Variants in ATP8B4 observed in about 807,000 individuals in gnomAD.
The protein encoded by ATP8B4 is ATPase phospholipid transporting 8B4 (putative), also known as probable phospholipid-transporting ATPase IM.
A neutral mutation model predicts 145.6 loss-of-function variants in ATP8B4; 133 were observed. The observed-to-expected ratio is 0.91, with a 90% CI of 0.79 to 1.05. The LOEUF is 1.05. Ranked by LOEUF, ATP8B4 falls within the 50% of genes least tolerant of loss-of-function variation. The pLI, the probability that ATP8B4 is intolerant of heterozygous loss-of-function variation, is 0.00. For missense variants in ATP8B4, 1,458 were observed against 1,425.2 expected (o/e 1.02, Z -0.37); for synonymous variants, 507 against 492.9 (o/e 1.03, Z -0.38).
At chr15:49,978,973 A>G (rs2045929595) in intron 12 of ATP8B4, among the ~76,000 whole-genome samples, 1 of 152,090 alleles carries the variant, frequency 6.6e-6, no homozygotes, top group African/African-American at 2.4e-5. Context: ...CTTACAATGG[A>G]CTAGCACCAC....
intron 13 of ATP8B4, among the ~76,000 whole-genome samples, chr15:49,965,545 C>T (rs983663476): frequency 4.6e-5 from 7 of 152,146 alleles, no homozygotes; most frequent in African/African-American, 1.7e-4. Context: ...CACATATAAA[C>T]AGAATGCTTG....
chr15:49,992,345 T>C (rs910932138), intron 9 of ATP8B4, among the ~76,000 whole-genome samples: 1 of 152,156 alleles, frequency 6.6e-6, no homozygotes, highest in South Asian at 2.1e-4. Flanking sequence ...ATAAGCTCTA[T>C]AAAAGTAAGG....
chr15:50,085,825 A>C (rs2054873281), intron 2 of ATP8B4, among the ~76,000 whole-genome samples: 1 of 131,576 alleles, frequency 7.6e-6, no homozygotes, highest in Admixed American at 8.7e-5. Flanking sequence ...ATTATATATA[A>C]TATATATGAT....
At chr15:50,104,328 A>C (rs1443323280) in intron 2 of ATP8B4, among the ~76,000 whole-genome samples, 1 of 152,192 alleles carries the variant, frequency 6.6e-6, no homozygotes, top group Non-Finnish European at 1.5e-5. Context: ...CAATCTATAC[A>C]TCCGACAAAA....
At chr15:49,981,959 G>T (rs1052955467) in intron 10 of ATP8B4, among the ~76,000 whole-genome samples, 1 of 152,200 alleles carries the variant, frequency 6.6e-6, no homozygotes, top group Admixed American at 6.5e-5. Flanking sequence ...TGCTTTAGAA[G>T]TGGGTTATTA....
At chr15:49,920,522 G>A in intron 17 of ATP8B4, 112 bp from the exon 18 acceptor site, 2 of 1,216,834 alleles carry the variant, frequency 1.6e-6, no homozygotes, top group Non-Finnish European at 2.2e-6. Context: ...TTTGTACCAA[G>A]AGCACTGCTT....
At chr15:49,977,893 G>C (rs1166498422) in intron 12 of ATP8B4, among the ~76,000 whole-genome samples, 1 of 152,086 alleles carries the variant, frequency 6.6e-6, no homozygotes, top group Non-Finnish European at 1.5e-5. Context: ...TATTTGACAA[G>C]CAAACTAAGG....
At chr15:50,094,043 C>G (rs770284054) in intron 2 of ATP8B4, among the ~76,000 whole-genome samples, 11 of 152,096 alleles carry the variant, frequency 7.2e-5, no homozygotes, top group Non-Finnish European at 1.0e-4. Context: ...TCTTGATAAA[C>G]TAAAGTATGT....
chr15:49,903,314 C>T (rs149721043), intron 20 of ATP8B4, among the ~76,000 whole-genome samples: 3 of 152,330 alleles, frequency 2.0e-5, no homozygotes, highest in Admixed American at 6.5e-5. Context: ...GAAGCGTACA[C>T]ACAATGCTTA....
intron 1 of ATP8B4, among the ~76,000 whole-genome samples, chr15:50,172,215 G>T (rs933456523): frequency 6.6e-6 from 1 of 152,150 alleles, no homozygotes; most frequent in South Asian, 2.1e-4. Flanking sequence ...CTGTACTGCC[G>T]CCATCTCCGC....
At chr15:49,963,653 C>T (rs1233493006) in intron 13 of ATP8B4, among the ~76,000 whole-genome samples, 3 of 152,162 alleles carry the variant, frequency 2.0e-5, no homozygotes, top group East Asian at 1.9e-4. Flanking sequence ...CAAACTAACA[C>T]AGGAACAGGA....
At chr15:50,121,588 T>C (rs1227134649), upstream of ATP8B4, among the ~76,000 whole-genome samples, 2 of 152,144 alleles carry the variant, frequency 1.3e-5, no homozygotes, top group Non-Finnish European at 2.9e-5. Context: ...GTCCATCTTA[T>C]AGAGGACTAT....
chr15:50,165,377 A>AAC (rs1377967704), intron 1 of ATP8B4, among the ~76,000 whole-genome samples: 1 of 152,136 alleles, frequency 6.6e-6, no homozygotes, highest in Non-Finnish European at 1.5e-5. Flanking sequence ...ATGATGTTAA[A>AAC]ACACAGTGAG....
intron 13 of ATP8B4, among the ~76,000 whole-genome samples, chr15:49,970,556 A>C (rs558413287): frequency 2.6e-5 from 4 of 152,318 alleles, no homozygotes; most frequent in African/African-American, 9.6e-5. Flanking sequence ...CTAGAAATAC[A>C]GCGAACAAGG....
intron 10 of ATP8B4, among the ~76,000 whole-genome samples, chr15:49,983,110 C>G (rs961857067): frequency 7.2e-5 from 11 of 152,256 alleles, no homozygotes; most frequent in Admixed American, 5.9e-4. Context: ...ATCTACCTTC[C>G]CTGAGCAATC....
chr15:49,928,996 AT>A (rs1324050053), intron 16 of ATP8B4, among the ~76,000 whole-genome samples: 7 of 152,086 alleles, frequency 4.6e-5, no homozygotes, highest in Admixed American at 2.6e-4. Context: ...CTTGTTAGAA[AT>A]GCAAATTGGT....
chr15:50,172,352 C>T (rs915132561), intron 1 of ATP8B4, among the ~76,000 whole-genome samples: 6 of 152,268 alleles, frequency 3.9e-5, no homozygotes, highest in Admixed American at 3.3e-4. Context: ...CCCTCTTGGC[C>T]GGGCTGGTCT....
intron 1 of ATP8B4, among the ~76,000 whole-genome samples, chr15:50,177,903 C>T (rs1217480805): frequency 6.6e-6 from 1 of 152,088 alleles, no homozygotes; most frequent in Admixed American, 6.6e-5. Flanking sequence ...ACGCCACCTG[C>T]TTTAAAAGAA....
At chr15:50,127,843 T>C (rs1265675317) in intron 1 of ATP8B4, among the ~76,000 whole-genome samples, 1 of 152,204 alleles carries the variant, frequency 6.6e-6, no homozygotes, top group Non-Finnish European at 1.5e-5. Flanking sequence ...CAGTAAGGTC[T>C]GTCTTTGAAG....
Sources: gnomAD v4.1 joint callset for allele counts (sites outside exome capture counted in the v4.1 genomes callset) on GRCh38, gnomAD v4.1.1 for gene constraint, MANE v1.5 for transcripts, NCBI Gene and HGNC (gene_info 2026-07-23, HGNC 2026-07-21) for gene names.